SMOC2: variants seen among roughly 807,000 people sequenced by gnomAD.
SMOC2 encodes SPARC related modular calcium binding 2, also known as SPARC-related modular calcium-binding protein 2.
In SMOC2, 39 loss-of-function variants were observed where a neutral mutation model predicts 61.4. The observed-to-expected ratio is 0.64, with a 90% CI of 0.49 to 0.83. SMOC2 has a LOEUF of 0.83. Ranked by LOEUF, SMOC2 falls within the 40% of genes least tolerant of loss-of-function variation. The probability of loss-of-function intolerance (pLI) is 0.00; values close to 1 mark genes in which losing one functional copy is unlikely to be tolerated. For missense variants in SMOC2, 556 were observed against 592.9 expected (o/e 0.94, Z 0.65); for synonymous variants, 247 against 239.9 (o/e 1.03, Z -0.27).
At chr6:168,601,869 G>C (rs761281279) in intron 8 of SMOC2, among the ~76,000 whole-genome samples, 2 of 152,144 alleles carry the variant, frequency 1.3e-5, no homozygotes, top group South Asian at 2.1e-4. Context: ...TTCTGCCTGG[G>C]CTTCATTCCG....
At chr6:168,653,613 T>TA (rs1562406847) in intron 11 of SMOC2, among the ~76,000 whole-genome samples, 4 of 92,630 alleles carry the variant, frequency 4.3e-5, no homozygotes, top group African/African-American at 1.2e-4. Context: ...CCAACCCTGC[T>TA]CCTGAGCTCC....
chr6:168,613,050 A>G (rs9295074), intron 9 of SMOC2, among the ~76,000 whole-genome samples: 28,807 of 152,136 alleles, frequency 0.19, 2,851 homozygotes, highest in South Asian at 0.28. Context: ...CTCAGGACCA[A>G]TCGTATTCGA....
chr6:168,587,762 C>T (rs899645303), intron 7 of SMOC2, among the ~76,000 whole-genome samples: 2 of 152,144 alleles, frequency 1.3e-5, no homozygotes, highest in Non-Finnish European at 2.9e-5. Flanking sequence ...AGCTTTTTTA[C>T]CTTTGTAGCC....
chr6:168,621,307 G>A (rs539819778), intron 9 of SMOC2, among the ~76,000 whole-genome samples: 2 of 152,296 alleles, frequency 1.3e-5, no homozygotes, highest in South Asian at 2.1e-4. Context: ...TACTTGAAAT[G>A]TATAATCCCC....
At chr6:168,644,818 T>G (rs1317063410) in intron 9 of SMOC2, among the ~76,000 whole-genome samples, 1 of 151,774 alleles carries the variant, frequency 6.6e-6, no homozygotes, top group African/African-American at 2.4e-5. Flanking sequence ...GCTGGCTAAT[T>G]TTTGTAGTTT....
At chr6:168,555,302 A>T (rs550903856) in intron 7 of SMOC2, among the ~76,000 whole-genome samples, 2 of 152,096 alleles carry the variant, frequency 1.3e-5, no homozygotes, top group Admixed American at 6.5e-5. Context: ...AAATTCACCC[A>T]CTCTTGTCTC....
In SMOC2 at chr6:168,523,079, A is replaced by ATTTTT. The variant is rs1554287070; in HGVS notation, c.257-3251_257-3247dup. 2.5e-4 allele frequency among the ~76,000 whole-genome samples: 23 copies of ATTTTT among 93,662 alleles called. 8 individuals carry two copies. Among genetic ancestry groups the ATTTTT allele is most frequent in the South Asian group, 8.3e-4 (2 of 2,408 alleles). 61.4% of individuals were successfully genotyped at this position (93,662 alleles called of 152,430 possible). A position where few individuals can be genotyped will look rare whatever the true frequency, so the allele number is the denominator to read the frequency against. On this transcript the variant is annotated intron_variant, in intron 2 of 12. Transcript: ENST00000356284. ...TTATGTTATTTGTAGTTGTACAGTA[A>ATTTTT]TTTTTTTTTTTTTTTTTTTTGAGAC...
chr6:168,631,203 C>A (rs1786560496), intron 9 of SMOC2, among the ~76,000 whole-genome samples: 1 of 152,152 alleles, frequency 6.6e-6, no homozygotes, highest in African/African-American at 2.4e-5. Context: ...TTTAAAATTT[C>A]TCTCTTTTGT....
chr6:168,525,840 G>C (rs1022424044), intron 2 of SMOC2, among the ~76,000 whole-genome samples: 1 of 152,152 alleles, frequency 6.6e-6, no homozygotes, highest in Non-Finnish European at 1.5e-5. Context: ...AAGTCCCACC[G>C]CGTGCGTCCT....
chr6:168,575,438 G>A (rs1482175982), intron 7 of SMOC2, among the ~76,000 whole-genome samples: 1 of 152,146 alleles, frequency 6.6e-6, no homozygotes, highest in Non-Finnish European at 1.5e-5. Flanking sequence ...TACTGTAGTG[G>A]GTGGGGAGCC....
At chr6:168,506,749 G>GT (rs1412619791) in intron 1 of SMOC2, among the ~76,000 whole-genome samples, 6 of 152,200 alleles carry the variant, frequency 3.9e-5, no homozygotes, top group Non-Finnish European at 4.4e-5. Context: ...CAATTGTGGG[G>GT]TTTTTTAATA....
intron 1 of SMOC2, among the ~76,000 whole-genome samples, chr6:168,466,434 T>C (rs1781835727): frequency 1.3e-5 from 2 of 152,102 alleles, no homozygotes; most frequent in Non-Finnish European, 1.5e-5. Flanking sequence ...GGGGCTCCTC[T>C]AGGGCAGATC....
At chr6:168,578,271 G>A in intron 7 of SMOC2, among the ~76,000 whole-genome samples, 1 of 152,202 alleles carries the variant, frequency 6.6e-6, no homozygotes, top group East Asian at 1.9e-4. Flanking sequence ...GTCTAAGGAG[G>A]TAGCTCATGG....
At chr6:168,603,858 G>A (rs1270185830) in intron 8 of SMOC2, among the ~76,000 whole-genome samples, 1 of 152,236 alleles carries the variant, frequency 6.6e-6, no homozygotes, top group East Asian at 1.9e-4. Flanking sequence ...CCTGGTCAGA[G>A]GTGGTGAATG....
At chr6:168,618,710 G>A (rs1786166794) in intron 9 of SMOC2, among the ~76,000 whole-genome samples, 1 of 152,164 alleles carries the variant, frequency 6.6e-6, no homozygotes, top group South Asian at 2.1e-4. Flanking sequence ...CATGGGGTGA[G>A]CACAGATGCA....
chr6:168,489,168 C>A, intron 1 of SMOC2, among the ~76,000 whole-genome samples: 1 of 148,946 alleles, frequency 6.7e-6, no homozygotes, highest in East Asian at 2.0e-4. Context: ...TATATCAAAT[C>A]GTCTGGGTCC....
chr6:168,650,549 A>C (rs193162845), intron 9 of SMOC2, 132 bp from the exon 10 acceptor site: 64 of 694,046 alleles, frequency 9.2e-5, no homozygotes, highest in Admixed American at 3.3e-4. Flanking sequence ...GTTTGTGTTT[A>C]AACTAGCTCA....
intron 1 of SMOC2, among the ~76,000 whole-genome samples, chr6:168,489,087 A>G (rs1481961378): frequency 6.7e-6 from 1 of 149,712 alleles, no homozygotes; most frequent in Non-Finnish European, 1.5e-5. Flanking sequence ...GTCCCCTTGG[A>G]TCACACTGTT....
At chr6:168,466,622 C>G (rs148941768) in intron 1 of SMOC2, among the ~76,000 whole-genome samples, 2 of 152,226 alleles carry the variant, frequency 1.3e-5, no homozygotes, top group Non-Finnish European at 1.5e-5. Context: ...AGAAAAACAG[C>G]ATATTTGTCA....
Sources: gnomAD v4.1 joint callset for allele counts (sites outside exome capture counted in the v4.1 genomes callset) on GRCh38, gnomAD v4.1.1 for gene constraint, MANE v1.5 for transcripts, NCBI Gene and HGNC (gene_info 2026-07-23, HGNC 2026-07-21) for gene names.